Variants in KCTD9 observed in about 807,000 individuals in gnomAD.
The protein encoded by KCTD9 is potassium channel tetramerization domain containing 9.
KCTD9 carries 17 observed loss-of-function variants against 53.3 expected under a neutral mutation model. That is an observed-to-expected ratio of 0.32 (90% CI 0.22 to 0.48). KCTD9 has a LOEUF of 0.48. KCTD9 is among the 20% of genes least tolerant of loss of function. The pLI is 0.99. For missense variants in KCTD9, 179 were observed against 465.5 expected, an observed-to-expected ratio of 0.38 and a Z score of 5.66; for synonymous variants, 128 against 162.7, an observed-to-expected ratio of 0.79 and a Z score of 1.62.
intron 4 of KCTD9, chr8:25,439,915 G>T: frequency 1.8e-6 from 1 of 567,658 alleles, no homozygotes; most frequent in Non-Finnish European, 2.7e-6. Context: ...TATCCTGTAA[G>T]CAAATTATTA....
At chr8:25,451,875 A>T (rs1802326373) in intron 1 of KCTD9, among the ~76,000 whole-genome samples, 3 of 152,194 alleles carry the variant, frequency 2.0e-5, no homozygotes, top group African/African-American at 7.2e-5. Flanking sequence ...GTGTATTTGA[A>T]TTCAACTTTT....
intron 1 of KCTD9, 147 bp from the exon 2 acceptor site, chr8:25,446,397 C>G: frequency 1.1e-6 from 1 of 871,518 alleles, no homozygotes; most frequent in Non-Finnish European, 1.7e-6. Flanking sequence ...CCTTTTCTTC[C>G]ATGACTCATT....
chr8:25,453,383 C>T (rs539403614), intron 1 of KCTD9, among the ~76,000 whole-genome samples: 2 of 149,952 alleles, frequency 1.3e-5, no homozygotes, highest in South Asian at 2.1e-4. Flanking sequence ...GGGCCGGGCA[C>T]GGTGGCTCAA....
intron 1 of KCTD9, among the ~76,000 whole-genome samples, chr8:25,456,258 C>G (rs1563251734): frequency 6.6e-6 from 1 of 152,178 alleles, no homozygotes; most frequent in Non-Finnish European, 1.5e-5. Flanking sequence ...GTAAGTGGTA[C>G]AGATATTCCA....
intron 3 of KCTD9, 43 bp downstream of exon 3, chr8:25,444,243 CTTTTTT>C: frequency 7.3e-6 from 7 of 963,496 alleles, no homozygotes; most frequent in East Asian, 2.9e-5. Flanking sequence ...GTCATTCCAT[CTTTTTT>C]TTTTTTTTTT....
At chr8:25,447,226 C>T (rs2063065) in intron 1 of KCTD9, among the ~76,000 whole-genome samples, 63,275 of 151,846 alleles carry the variant, frequency 0.42, 13,804 homozygotes, top group African/African-American at 0.56. Flanking sequence ...AAACCCCATC[C>T]CTACTAAAAT....
Position 25,458,179 on chromosome 8 carries a change from C to A in KCTD9, c.48+20G>T, listed in dbSNP as rs1159801295. ...TCGCCCCGACCCCCGGCCCGCCGCG[C>A]CCCCTCACGCCCCCGTTACCTTTCC... On this transcript the variant is annotated intron_variant, in intron 1 of 11. Transcript: ENST00000221200. The A allele has an allele frequency of 4.4e-6, 7 of 1,586,608 alleles. No individual in the cohort carries two copies. Among genetic ancestry groups the A allele is most frequent in the African/African-American group, 1.3e-5 (1 of 74,396 alleles).
rs778224335 is a variant in KCTD9 at position 25,433,439 on chromosome 8, C to T, written c.814-4G>A. ...TGACTCCCTGGAGATTCGCACACTG[C>T]AAAGAAAAGAGAAAAGTCCTGGTTG... is the stretch of plus-strand genomic sequence containing the variant. On this transcript the variant is annotated splice_polypyrimidine_tract_variant and splice_region_variant and intron_variant, in intron 9 of 11. Coordinates refer to ENST00000221200, the MANE Select transcript of KCTD9 (RefSeq NM_017634.4). 6.4e-7 allele frequency: 1 copy of T among 1,555,776 alleles called. No homozygotes were observed. The highest frequency in any genetic ancestry group is 8.8e-7 in the Non-Finnish European group (1 of 1,139,518).
chr8:25,436,535 A>G (rs1305135033), intron 6 of KCTD9, 50 bp from the exon 7 acceptor site: 6 of 1,109,518 alleles, frequency 5.4e-6, no homozygotes, highest in Non-Finnish European at 7.8e-6. Context: ...TGAATGTATT[A>G]CATTCATTTT....
chr8:25,450,990 T>C (rs1255075444), intron 1 of KCTD9, among the ~76,000 whole-genome samples: 2 of 152,198 alleles, frequency 1.3e-5, no homozygotes, highest in Admixed American at 1.3e-4. Context: ...GGGTGGTCAA[T>C]TAGAGAAAAC....
Position 25,428,012 on chromosome 8 carries a change from G to A in KCTD9, c.*1845C>T, listed in dbSNP as rs1236014484. 1 of 152,476 alleles carries A rather than the reference G, an allele frequency of 6.6e-6. No homozygotes were observed. Among genetic ancestry groups the A allele is most frequent in the East Asian group, 1.9e-4 (1 of 5,174 alleles). The allele number at this position is 152,476 out of a possible 1,614,324, so 9.4% of individuals were successfully genotyped here. A position where few individuals can be genotyped will look rare whatever the true frequency, so the allele number is the denominator to read the frequency against. ...AAAGTGATGATTTTCAAAAGGAAGA[G>A]AAGAAACTCCTTTTCAACAAACACT... On this transcript the variant is annotated 3_prime_UTR_variant, in exon 12 of 12. Coordinates refer to ENST00000221200, the MANE Select transcript of KCTD9 (RefSeq NM_017634.4).
chr8:25,457,486 C>A (rs1163725118), intron 1 of KCTD9: 3 of 438,540 alleles, frequency 6.8e-6, no homozygotes, highest in African/African-American at 4.3e-5. Context: ...CCACACTCTC[C>A]GCAAAGGCCT....
chr8:25,436,345 T>C lies in KCTD9; in HGVS notation c.568-15A>G. The C allele has an allele frequency of 3.7e-6, 6 of 1,601,048 alleles. No homozygotes were observed. The highest frequency in any genetic ancestry group is 5.1e-6 in the Non-Finnish European group (6 of 1,168,556). On this transcript the variant is annotated splice_polypyrimidine_tract_variant and intron_variant, in intron 7 of 11. Coordinates refer to ENST00000221200, the MANE Select transcript of KCTD9 (RefSeq NM_017634.4). The stretch of plus-strand genomic sequence containing the variant: ...GGTTGAGAATTCTTAAAAAAGACAT[T>C]AAGAAATTAGTGGAGTCTTTTGGGA...
At chr8:25,443,139 A>G (rs574094956) in intron 3 of KCTD9, among the ~76,000 whole-genome samples, 18 of 152,288 alleles carry the variant, frequency 1.2e-4, no homozygotes, top group Admixed American at 5.2e-4. Context: ...CTCTACCTAT[A>G]TATTTTCAAT....
chr8:25,428,219 A>G lies in KCTD9; in HGVS notation c.*1638T>C, dbSNP rs556868057. ...TAGTACAGAGTGAAATGATTTAAAT[A>G]TAATTTAGGCACATATTGATTATGA... is the stretch of plus-strand genomic sequence containing the variant. On this transcript the variant is annotated 3_prime_UTR_variant, in exon 12 of 12. Coordinates refer to ENST00000221200, the MANE Select transcript of KCTD9 (RefSeq NM_017634.4). The G allele has an allele frequency of 7.2e-5, 11 of 152,658 alleles. No individual in the cohort carries two copies. Among genetic ancestry groups the G allele is most frequent in the Non-Finnish European group, 1.5e-4 (10 of 68,038 alleles). The allele number at this position is 152,658 out of a possible 1,614,324, so 9.5% of individuals were successfully genotyped here. A position where few individuals can be genotyped will look rare whatever the true frequency, so the allele number is the denominator to read the frequency against.
chr8:25,452,542 A>G (rs961932556), intron 1 of KCTD9, among the ~76,000 whole-genome samples: 1 of 152,284 alleles, frequency 6.6e-6, no homozygotes, highest in East Asian at 1.9e-4. Context: ...ACCCCACCCC[A>G]GACCTACTGA....
intron 3 of KCTD9, among the ~76,000 whole-genome samples, chr8:25,441,176 C>CAAAAAAAAAAAAAAAA (rs1305327627): frequency 8.8e-6 from 1 of 113,248 alleles, no homozygotes; most frequent in African/African-American, 3.2e-5. Context: ...ACAACAGAGA[C>CAAAAAAAAAAAAAAAA]AAAAAAAAAA....
intron 6 of KCTD9, among the ~76,000 whole-genome samples, chr8:25,436,843 T>C (rs1455485189): frequency 6.6e-6 from 1 of 152,250 alleles, no homozygotes; most frequent in Non-Finnish European, 1.5e-5. Flanking sequence ...TTACTTATTC[T>C]AATCTGTTAA....
At chr8:25,456,524 C>T (rs1802437131) in intron 1 of KCTD9, among the ~76,000 whole-genome samples, 1 of 152,040 alleles carries the variant, frequency 6.6e-6, no homozygotes, top group South Asian at 2.1e-4. Context: ...CATGGCTTTG[C>T]TTCTTTTTAT....
Sources: allele counts gnomAD v4.1 joint callset (sites outside exome capture counted in the v4.1 genomes callset), GRCh38; gene constraint gnomAD v4.1.1; transcripts MANE v1.5; gene names NCBI Gene and HGNC (gene_info 2026-07-23, HGNC 2026-07-21).